TMEM273: variants seen among roughly 807,000 people sequenced by gnomAD.
The protein encoded by TMEM273 is chromosome 10 open reading frame 128.
Under a neutral mutation model 17.9 loss-of-function variants are expected in TMEM273, and 19 were observed. That is an observed-to-expected ratio of 1.06 (90% CI 0.74 to 1.55). TMEM273 has a LOEUF of 1.55. Among genes scored for constraint, TMEM273 ranks in the 40% most tolerant of loss-of-function variants. TMEM273 has a pLI of 0.00. For synonymous variants in TMEM273, 66 were observed against 62.0 expected (o/e 1.07, Z -0.31); for missense variants, 194 against 155.6 (o/e 1.25, Z -1.31).
At position 49,166,878 on chromosome 10, in the gene TMEM273, C is replaced by T; in HGVS notation, c.229G>A (p.Gly77Ser). 6.2e-7 allele frequency: 1 copy of T among 1,613,796 alleles called. No homozygotes were observed. The highest frequency in any genetic ancestry group is 8.5e-7 in the Non-Finnish European group (1 of 1,180,006). ...DSSDLKSTPG[G>S]LSDTIPLKKR... ...GCACCACATCCCTCACCACTGAGGC[C>T]CCCAGGCGTGCTTTTCAGGTCGGAA... The change falls in exon 3 of 7, where the codon GGC becomes AGC. Residue 77 changes from glycine (G) to serine (S), a missense_variant. Physicochemically the swap from Gly to Ser is moderately conservative, Grantham distance 56. Coordinates refer to ENST00000374153, the MANE Select transcript of TMEM273 (RefSeq NM_001288740.3).
intron 2 of TMEM273, among the ~76,000 whole-genome samples, chr10:49,167,488 T>C (rs775318778): frequency 6.6e-5 from 10 of 152,302 alleles, no homozygotes; most frequent in South Asian, 2.1e-4. Flanking sequence ...CCTAGAGTCA[T>C]GGGCGTCCAG....
intron 5 of TMEM273, among the ~76,000 whole-genome samples, chr10:49,163,123 C>T (rs542402649): frequency 6.6e-6 from 1 of 152,156 alleles, no homozygotes; most frequent in South Asian, 2.1e-4. Context: ...GGGCAAAGGC[C>T]TCTTAGGGCG....
chr10:49,160,689 A>G (rs1845787692), intron 6 of TMEM273: 1 of 152,190 alleles, frequency 6.6e-6, no homozygotes, highest in African/African-American at 2.4e-5. Context: ...ATTATACACA[A>G]TAGGAAACAC....
At chr10:49,160,176 C>G (rs1285300409) in intron 6 of TMEM273, among the ~76,000 whole-genome samples, 1 of 152,102 alleles carries the variant, frequency 6.6e-6, no homozygotes, top group Non-Finnish European at 1.5e-5. Context: ...TGTTGGGGGT[C>G]GGGATATTCA....
intron 6 of TMEM273, 34 bp downstream of exon 6, chr10:49,161,565 C>T (rs1211153649): frequency 6.2e-7 from 1 of 1,613,974 alleles, no homozygotes; most frequent in Non-Finnish European, 8.5e-7. Flanking sequence ...TGCCTGTCCT[C>T]CTTTTAAGAC....
At chr10:49,159,256 C>T (rs182399908) in intron 6 of TMEM273, among the ~76,000 whole-genome samples, 6 of 152,256 alleles carry the variant, frequency 3.9e-5, no homozygotes, top group African/African-American at 1.2e-4. Context: ...GTTTCTGACT[C>T]TCTATCCAAT....
chr10:49,159,536 G>A (rs1184546061), intron 6 of TMEM273, among the ~76,000 whole-genome samples: 1 of 152,170 alleles, frequency 6.6e-6, no homozygotes, highest in East Asian at 1.9e-4. Flanking sequence ...ATTAGGGAAA[G>A]CTTAGGAAAA....
In TMEM273 at chr10:49,176,657, G is replaced by A. The variant is rs182255493; in HGVS notation, c.44-8695C>T. On this transcript the variant is annotated intron_variant, in intron 1 of 6. Transcript: ENST00000374153. ...CTCTGGAGTCCTGAGGGACCTGACCGAGGGGAGTGCGCATCCAGGGAGCGG... is the reference window on the plus strand; with the variant it reads ...CTCTGGAGTCCTGAGGGACCTGACCAAGGGGAGTGCGCATCCAGGGAGCGG... Among the ~76,000 whole-genome samples, 61 of 152,318 alleles carry A rather than the reference G, an allele frequency of 4.0e-4. 1 individual carries two copies. Among genetic ancestry groups the A allele is most frequent in the African/African-American group, 9.1e-4 (38 of 41,562 alleles).
chr10:49,164,649 T>A (rs992177546), intron 5 of TMEM273, among the ~76,000 whole-genome samples: 21 of 152,198 alleles, frequency 1.4e-4, no homozygotes, highest in Non-Finnish European at 2.5e-4. Flanking sequence ...TCTGCCACAC[T>A]GCATGTTTGT....
At chr10:49,156,207 G>A in intron 6 of TMEM273, 2 of 1,433,682 alleles carry the variant, frequency 1.4e-6, no homozygotes, top group Non-Finnish European at 1.9e-6. Context: ...GGCATATTTT[G>A]GGAAACTTTT....
intron 1 of TMEM273, among the ~76,000 whole-genome samples, chr10:49,170,414 C>T (rs1434474414): frequency 1.3e-5 from 2 of 152,160 alleles, no homozygotes. Flanking sequence ...GGCTGGGACC[C>T]CTGGCTGAGG....
intron 1 of TMEM273, among the ~76,000 whole-genome samples, chr10:49,183,796 G>C (rs1393162975): frequency 6.6e-6 from 1 of 152,166 alleles, no homozygotes; most frequent in African/African-American, 2.4e-5. Flanking sequence ...CTTGGCCCAC[G>C]GTCGGCTCTC....
chr10:49,165,899 G>T, intron 3 of TMEM273, 103 bp from the exon 4 acceptor site: 4 of 1,502,256 alleles, frequency 2.7e-6, no homozygotes, highest in Admixed American at 1.7e-5. Context: ...CTCACTCACG[G>T]TTGCCCTCGA....
rs578192270 is a variant in TMEM273, at chr10:49,155,300, T to G, written c.*592A>C. 1 of 153,762 alleles carries G rather than the reference T, an allele frequency of 6.5e-6. No individual in the cohort carries two copies. Among genetic ancestry groups the G allele is most frequent in the African/African-American group, 2.4e-5 (1 of 41,572 alleles). The allele number at this position is 153,762 out of a possible 1,614,324, so 9.5% of individuals were successfully genotyped here. On this transcript the variant is annotated 3_prime_UTR_variant, in exon 7 of 7. Coordinates refer to ENST00000374153, the MANE Select transcript of TMEM273 (RefSeq NM_001288740.3). ...ATTCCATGAACACCAAAGCCCTTCC[T>G]ACCACGCCAGCCCAGACTGCCATTT...
Position 49,188,057 on chromosome 10 carries a change from C to T in TMEM273, c.43+237G>A, listed in dbSNP as rs1051471379. ...CCCAGATGTTTCTAGATCCCAAGCC[C>T]GAAGCTCCTTCTGCCATGACCCTTC... On this transcript the variant is annotated intron_variant, in intron 1 of 6. Coordinates refer to ENST00000374153, the MANE Select transcript of TMEM273 (RefSeq NM_001288740.3). Among the ~76,000 whole-genome samples the T allele has an allele frequency of 5.3e-5, 8 of 152,352 alleles. No individual in the cohort carries two copies. The South Asian group carries it at 6.2e-4, about 12-fold the overall frequency.
intron 1 of TMEM273, among the ~76,000 whole-genome samples, chr10:49,173,490 C>T (rs552919157): frequency 6.0e-4 from 91 of 152,326 alleles, no homozygotes; most frequent in African/African-American, 2.1e-3. Context: ...AATGCTTTTC[C>T]CTCGTCCCTG....
intron 1 of TMEM273, among the ~76,000 whole-genome samples, chr10:49,179,419 C>T (rs1389380424): frequency 6.6e-6 from 1 of 152,198 alleles, no homozygotes; most frequent in Non-Finnish European, 1.5e-5. Flanking sequence ...AGACTCCCTT[C>T]AGGGGCCTCT....
chr10:49,157,436 A>G (rs749609443), intron 6 of TMEM273, among the ~76,000 whole-genome samples: 1 of 152,228 alleles, frequency 6.6e-6, no homozygotes, highest in Non-Finnish European at 1.5e-5. Flanking sequence ...ATACCATGTG[A>G]TTTAGTGGCT....
chr10:49,179,964 C>G (rs72789095), intron 1 of TMEM273, among the ~76,000 whole-genome samples: 1 of 152,152 alleles, frequency 6.6e-6, no homozygotes. Context: ...TGGGCTTCCA[C>G]GCTCACTGCT....
Sources: allele counts gnomAD v4.1 joint callset (sites outside exome capture counted in the v4.1 genomes callset), GRCh38; gene constraint gnomAD v4.1.1; transcripts MANE v1.5; gene names NCBI Gene and HGNC (gene_info 2026-07-23, HGNC 2026-07-21).